The following SPAG16 variants were observed in gnomAD, a reference collection of about 807,000 sequenced individuals.
SPAG16 encodes sperm associated antigen 16, also known as sperm-associated antigen 16 protein.
In SPAG16, 86 loss-of-function variants were observed where a neutral mutation model predicts 80.4. That is an observed-to-expected ratio of 1.07 (90% CI 0.90 to 1.28). The LOEUF is 1.28. SPAG16 is among the 50% of genes most tolerant of loss of function. The pLI is 0.00. For synonymous variants in SPAG16, 294 were observed against 265.9 expected, an observed-to-expected ratio of 1.11 and a Z score of -1.03; for missense variants, 870 against 765.3, an observed-to-expected ratio of 1.14 and a Z score of -1.61.
At chr2:214,041,735 T>C (rs550662620) in intron 13 of SPAG16, among the ~76,000 whole-genome samples, 32 of 151,772 alleles carry the variant, frequency 2.1e-4, no homozygotes, top group African/African-American at 7.2e-4. Context: ...CCTTGCATAC[T>C]GTATGCATAT....
At position 214,232,054 on chromosome 2, in the gene SPAG16, A is replaced by T. The variant is rs1294061188; in HGVS notation, c.1720+82788A>T. Among the ~76,000 whole-genome samples, 3 of 150,866 alleles carry T rather than the reference A, an allele frequency of 2.0e-5. No homozygotes were observed. The East Asian group carries it at 5.8e-4, about 29-fold the overall frequency. ...ACTAATATATTTTTAAGATGAATAG[A>T]ACAAACATTTAATATCACTTAAAAG... On this transcript the variant is annotated intron_variant, in intron 15 of 15. Coordinates refer to ENST00000331683, the MANE Select transcript of SPAG16 (RefSeq NM_024532.5).
At chr2:213,305,575 G>A (rs900368810) in intron 3 of SPAG16, among the ~76,000 whole-genome samples, 1 of 152,044 alleles carries the variant, frequency 6.6e-6, no homozygotes, top group Non-Finnish European at 1.5e-5. Context: ...AAGGGATGTT[G>A]AATTTTATCA....
chr2:213,306,827 TG>T (rs1390096647), intron 3 of SPAG16, among the ~76,000 whole-genome samples: 1 of 152,150 alleles, frequency 6.6e-6, no homozygotes, highest in Non-Finnish European at 1.5e-5. Context: ...TGCCAGGGGA[TG>T]GGGGAGGTGT....
chr2:213,787,307 T>C (rs893597183), intron 10 of SPAG16, among the ~76,000 whole-genome samples: 3 of 152,162 alleles, frequency 2.0e-5, no homozygotes, highest in African/African-American at 7.2e-5. Flanking sequence ...GATAATGGTA[T>C]TGATGCTTTC....
intron 10 of SPAG16, among the ~76,000 whole-genome samples, chr2:213,754,136 A>C (rs980924105): frequency 6.6e-6 from 1 of 152,180 alleles, no homozygotes; most frequent in African/African-American, 2.4e-5. Flanking sequence ...CAAATCCAAT[A>C]ATCTCTGTGA....
intron 15 of SPAG16, among the ~76,000 whole-genome samples, chr2:214,389,550 T>C (rs1700949270): frequency 6.6e-6 from 1 of 152,318 alleles, no homozygotes; most frequent in East Asian, 1.9e-4. Flanking sequence ...CTGGCCTCTT[T>C]GACAGATTTT....
At chr2:214,193,446 A>T (rs1410381297) in intron 15 of SPAG16, among the ~76,000 whole-genome samples, 2 of 151,400 alleles carry the variant, frequency 1.3e-5, no homozygotes, top group Non-Finnish European at 3.0e-5. Context: ...AGAGAGAGAG[A>T]GAGAGAGAGA....
Position 214,076,517 on chromosome 2 carries a change from GTGTGTGTGTGTGTGTGTGTGTGTGTC to G in SPAG16, c.1528-31655_1528-31630del, listed in dbSNP as rs1462982292. ...TTTAATTCTTCTTATTTTATTCTGTGTGTGTGTGTGTGTGTGTGTGTGTGTCTGTGTGTGTGTGTGTGTGTGTGTTT... is the reference window on the plus strand; with the variant it reads ...TTTAATTCTTCTTATTTTATTCTGTGTGTGTGTGTGTGTGTGTGTGTGTTT... On this transcript the variant is annotated intron_variant, in intron 13 of 15. Coordinates refer to ENST00000331683, the MANE Select transcript of SPAG16 (RefSeq NM_024532.5). Among the ~76,000 whole-genome samples, 5 of 72,084 alleles carry G rather than the reference GTGTGTGTGTGTGTGTGTGTGTGTGTC, an allele frequency of 6.9e-5. No individual in the cohort carries two copies. The East Asian group carries it at 8.6e-4, about 12-fold the overall frequency. 47.3% of individuals were successfully genotyped at this position (72,084 alleles called of 152,430 possible).
chr2:214,234,098 C>T (rs544412233), intron 15 of SPAG16, among the ~76,000 whole-genome samples: 1 of 151,898 alleles, frequency 6.6e-6, no homozygotes, highest in Non-Finnish European at 1.5e-5. Flanking sequence ...TCCATGTGTT[C>T]TCATTATTGA....
chr2:213,709,021 G>A (rs2065871040), intron 10 of SPAG16, among the ~76,000 whole-genome samples: 1 of 152,060 alleles, frequency 6.6e-6, no homozygotes, highest in South Asian at 2.1e-4. Context: ...GTTCCTTTGG[G>A]GCTCACATTT....
chr2:213,655,306 T>C (rs79734939), intron 10 of SPAG16, among the ~76,000 whole-genome samples: 8,848 of 152,270 alleles, frequency 0.058, 852 homozygotes, highest in African/African-American at 0.2. Flanking sequence ...TTAATGTCTA[T>C]TTTTAAAAAA....
intron 5 of SPAG16, among the ~76,000 whole-genome samples, chr2:213,331,169 C>T (rs1161544911): frequency 1.3e-5 from 2 of 152,136 alleles, no homozygotes; most frequent in Admixed American, 1.3e-4. Context: ...TTGCCCTTTC[C>T]CCAGGGGCCT....
At chr2:214,288,702 T>C (rs1440557720) in intron 15 of SPAG16, among the ~76,000 whole-genome samples, 3 of 152,134 alleles carry the variant, frequency 2.0e-5, no homozygotes, top group Admixed American at 6.5e-5. Context: ...TATTTTATCA[T>C]ATACCACTTG....
At chr2:214,281,366 A>G in intron 15 of SPAG16, 1 of 204,058 alleles carries the variant, frequency 4.9e-6, no homozygotes, top group South Asian at 9.3e-5. Flanking sequence ...GAGCATAGTA[A>G]TCAATTTTAC....
chr2:213,370,129 T>A (rs1213256445), intron 8 of SPAG16, among the ~76,000 whole-genome samples: 1 of 152,208 alleles, frequency 6.6e-6, no homozygotes, highest in Non-Finnish European at 1.5e-5. Context: ...CCTAAGGGAC[T>A]ATGCACAAGG....
At chr2:213,952,238 G>A (rs1283277454) in intron 12 of SPAG16, among the ~76,000 whole-genome samples, 1 of 151,900 alleles carries the variant, frequency 6.6e-6, no homozygotes, top group Non-Finnish European at 1.5e-5. Context: ...ATAGTGATAT[G>A]GAGAACACAT....
chr2:214,305,334 G>C (rs150772979), intron 15 of SPAG16, among the ~76,000 whole-genome samples: 1 of 151,998 alleles, frequency 6.6e-6, no homozygotes, highest in African/African-American at 2.4e-5. Flanking sequence ...TGTTATCTTT[G>C]TTGATAATTT....
At chr2:214,045,642 TA>T (rs1213992459) in intron 13 of SPAG16, among the ~76,000 whole-genome samples, 3 of 152,094 alleles carry the variant, frequency 2.0e-5, no homozygotes, top group Non-Finnish European at 4.4e-5. Flanking sequence ...GAAGAAAATT[TA>T]AAATTTTCTT....
intron 1 of SPAG16, among the ~76,000 whole-genome samples, chr2:213,293,282 T>G (rs769896871): frequency 9.2e-5 from 14 of 152,302 alleles, no homozygotes; most frequent in African/African-American, 2.9e-4. Flanking sequence ...TCCTTATAAA[T>G]TACCCAGTCT....
Sources: gnomAD v4.1 joint callset for allele counts (sites outside exome capture counted in the v4.1 genomes callset) on GRCh38, gnomAD v4.1.1 for gene constraint, MANE v1.5 for transcripts, NCBI Gene and HGNC (gene_info 2026-07-23, HGNC 2026-07-21) for gene names.